Variants in LRMDA observed in about 807,000 individuals in gnomAD.
LRMDA encodes leucine-rich melanocyte differentiation-associated protein.
Under a neutral mutation model 29.8 loss-of-function variants are expected in LRMDA, and 18 were observed. The observed-to-expected ratio is 0.60, with a 90% CI of 0.42 to 0.90. LRMDA has a LOEUF of 0.90. Ranked by LOEUF, LRMDA falls within the 40% of genes least tolerant of loss-of-function variation. LRMDA has a pLI of 0.00. For missense variants in LRMDA, 273 were observed against 273.9 expected (o/e 1.00, Z 0.02); for synonymous variants, 125 against 109.4 (o/e 1.14, Z -0.89).
chr10:76,539,939 T>C (rs1198656584), intron 6 of LRMDA, among the ~76,000 whole-genome samples: 1 of 151,888 alleles, frequency 6.6e-6, no homozygotes, highest in African/African-American at 2.4e-5. Flanking sequence ...TAATCAAGAA[T>C]TGGGTGACTC....
chr10:75,466,038 G>A (rs1844646523), intron 2 of LRMDA, among the ~76,000 whole-genome samples: 1 of 152,238 alleles, frequency 6.6e-6, no homozygotes. Context: ...AATTCAGGCT[G>A]CTGACAGCAG....
intron 2 of LRMDA, among the ~76,000 whole-genome samples, chr10:75,919,168 C>T (rs866612856): frequency 1.1e-4 from 17 of 152,098 alleles, no homozygotes; most frequent in South Asian, 4.2e-4. Context: ...GGGACAAAGC[C>T]GGGATGCGAA....
intron 6 of LRMDA, among the ~76,000 whole-genome samples, chr10:76,548,539 G>A (rs935524152): frequency 2.6e-5 from 4 of 151,982 alleles, no homozygotes; most frequent in Non-Finnish European, 4.4e-5. Context: ...GGCTGGGGAG[G>A]AGAGGGGTTG....
chr10:76,080,037 GTA>G (rs2132078293), intron 5 of LRMDA, among the ~76,000 whole-genome samples: 1 of 152,212 alleles, frequency 6.6e-6, no homozygotes, highest in East Asian at 1.9e-4. Flanking sequence ...CTAGATCAGT[GTA>G]TGTCTCAAGT....
chr10:75,785,548 G>T (rs1191322152), intron 2 of LRMDA, among the ~76,000 whole-genome samples: 1 of 152,206 alleles, frequency 6.6e-6, no homozygotes, highest in African/African-American at 2.4e-5. Context: ...TTGGGCTGCA[G>T]GAGTGGTAAA....
intron 6 of LRMDA, among the ~76,000 whole-genome samples, chr10:76,375,723 ATTT>A (rs35821785): frequency 7.0e-6 from 1 of 142,916 alleles, no homozygotes; most frequent in Non-Finnish European, 1.5e-5. Context: ...TCCATGCTGA[ATTT>A]TTTTTTTTTT....
chr10:75,659,361 C>CT (rs954781771), intron 2 of LRMDA, among the ~76,000 whole-genome samples: 207 of 151,816 alleles, frequency 1.4e-3, no homozygotes, highest in African/African-American at 3.6e-3. Flanking sequence ...CCTTTCCTCT[C>CT]TTTTTTTTTC....
At chr10:76,212,019 A>G (rs955497941) in intron 5 of LRMDA, among the ~76,000 whole-genome samples, 34 of 152,196 alleles carry the variant, frequency 2.2e-4, no homozygotes, top group Non-Finnish European at 3.8e-4. Flanking sequence ...CAAAGGTTCA[A>G]AAAGGAACCA....
chr10:76,244,070 A>C (rs998321036), intron 5 of LRMDA, among the ~76,000 whole-genome samples: 2 of 152,196 alleles, frequency 1.3e-5, no homozygotes, highest in Non-Finnish European at 2.9e-5. Context: ...GTTTTAAGCC[A>C]CCAAGTTTAT....
chr10:76,297,987 C>T (rs1481293421), intron 5 of LRMDA, among the ~76,000 whole-genome samples: 2 of 152,190 alleles, frequency 1.3e-5, no homozygotes, highest in Admixed American at 6.5e-5. Context: ...CGACTGAAGT[C>T]GAGGGCTTGC....
At chr10:75,668,900 C>T (rs1431880330) in intron 2 of LRMDA, among the ~76,000 whole-genome samples, 1 of 152,186 alleles carries the variant, frequency 6.6e-6, no homozygotes, top group East Asian at 1.9e-4. Context: ...CTGGACACTG[C>T]TCCCTGCCCT....
At chr10:75,600,298 T>TA (rs1181400282) in intron 2 of LRMDA, among the ~76,000 whole-genome samples, 1 of 152,160 alleles carries the variant, frequency 6.6e-6, no homozygotes, top group Non-Finnish European at 1.5e-5. Flanking sequence ...TGAAACAGCT[T>TA]AGAGGATGCT....
At chr10:76,050,705 T>G (rs575116352) in intron 4 of LRMDA, among the ~76,000 whole-genome samples, 1 of 152,338 alleles carries the variant, frequency 6.6e-6, no homozygotes, top group Non-Finnish European at 1.5e-5. Context: ...GAAACCACTT[T>G]AGTGCCCCTT....
At chr10:76,037,613 A>C (rs1848272900) in intron 3 of LRMDA, among the ~76,000 whole-genome samples, 1 of 152,202 alleles carries the variant, frequency 6.6e-6, no homozygotes, top group African/African-American at 2.4e-5. Context: ...TGGAGGTTTG[A>C]GATCAGGATG....
At chr10:75,527,955 T>C (rs1173183243) in intron 2 of LRMDA, among the ~76,000 whole-genome samples, 2 of 151,784 alleles carry the variant, frequency 1.3e-5, no homozygotes, top group Admixed American at 6.6e-5. Flanking sequence ...TGCTAATTTT[T>C]GTGTTTTTTT....
chr10:76,328,443 G>C (rs1400962299), intron 6 of LRMDA, among the ~76,000 whole-genome samples: 1 of 152,194 alleles, frequency 6.6e-6, no homozygotes, highest in African/African-American at 2.4e-5. Context: ...CCATTTAACA[G>C]AGGGAGACAT....
chr10:75,929,537 G>A (rs772294886), intron 2 of LRMDA, among the ~76,000 whole-genome samples: 6 of 152,268 alleles, frequency 3.9e-5, no homozygotes, highest in Admixed American at 6.5e-5. Flanking sequence ...ATGGCTAACA[G>A]TTTGCAGAGT....
At chr10:76,179,961 G>A (rs148572357) in intron 5 of LRMDA, among the ~76,000 whole-genome samples, 2 of 152,338 alleles carry the variant, frequency 1.3e-5, no homozygotes, top group East Asian at 3.9e-4. Flanking sequence ...ATCAGTTTCT[G>A]CAAAGCCAGT....
At chr10:75,948,223 T>A (rs1327841433) in intron 2 of LRMDA, among the ~76,000 whole-genome samples, 1 of 152,160 alleles carries the variant, frequency 6.6e-6, no homozygotes, top group Admixed American at 6.5e-5. Context: ...GCACTCTATG[T>A]CCTTTGAGGG....
Sources: allele counts gnomAD v4.1 joint callset (sites outside exome capture counted in the v4.1 genomes callset), GRCh38; gene constraint gnomAD v4.1.1; transcripts MANE v1.5; gene names NCBI Gene and HGNC (gene_info 2026-07-23, HGNC 2026-07-21).